IGSF9B: variants seen among roughly 807,000 people sequenced by gnomAD.
IGSF9B encodes immunoglobulin superfamily member 9B, also known as protein turtle homolog B.
A neutral mutation model predicts 143.7 loss-of-function variants in IGSF9B; 48 were observed. The ratio of observed to expected loss-of-function variants is 0.33; its 90% CI spans 0.26 to 0.42. The LOEUF (loss-of-function observed/expected upper bound fraction) is 0.42. Among genes scored for constraint, IGSF9B ranks in the 20% least tolerant of loss-of-function variants. The pLI, the probability that IGSF9B is intolerant of heterozygous loss-of-function variation, is 1.00. For missense variants in IGSF9B, 1,706 were observed against 1,980.0 expected (o/e 0.86, Z 2.63); for synonymous variants, 903 against 833.1 (o/e 1.08, Z -1.44).
At chr11:133,919,694 G>A in intron 18 of IGSF9B, 48 bp downstream of exon 18, 2 of 1,214,924 alleles carry the variant, frequency 1.6e-6, no homozygotes, top group East Asian at 2.9e-5. Context: ...GGCGGGTGGG[G>A]GAAGGAAGTT....
chr11:133,919,596 G>A (rs1939469193), intron 18 of IGSF9B, 146 bp downstream of exon 18: 2 of 546,860 alleles, frequency 3.7e-6, no homozygotes, highest in Admixed American at 7.7e-5. Context: ...AACCGCGGCG[G>A]CCAGAACTCC....
intron 3 of IGSF9B, among the ~76,000 whole-genome samples, chr11:133,940,487 AAC>A (rs1177936726): frequency 7.3e-6 from 1 of 137,288 alleles, no homozygotes; most frequent in African/African-American, 2.8e-5. Flanking sequence ...CGCATACAGA[AAC>A]ATACACCTTG....
chr11:133,916,447 G>C (rs1386657933), intron 18 of IGSF9B, among the ~76,000 whole-genome samples: 1 of 152,184 alleles, frequency 6.6e-6, no homozygotes, highest in African/African-American at 2.4e-5. Context: ...GACAGCATCT[G>C]AACAGAGCCT....
At position 133,913,778 on chromosome 11, in the gene IGSF9B, C is replaced by T. The variant is rs1008818101; in HGVS notation, c.3984-1771G>A. Among the ~76,000 whole-genome samples the T allele has an allele frequency of 2.0e-5, 3 of 152,208 alleles. No individual in the cohort carries two copies. The highest frequency in any genetic ancestry group is 2.9e-5 in the Non-Finnish European group (2 of 68,030). On this transcript the variant is annotated intron_variant, in intron 18 of 19. Coordinates refer to ENST00000533871, the MANE Select transcript of IGSF9B (RefSeq NM_001277285.4). The surrounding 1 kb of genome is among the most constrained non-coding windows in gnomAD (Gnocchi z 4.6). ...GCCCGGGCGGGAGGCAGCACACCTTCCCAGTGTGGATAGCACATCCTCACC... is the reference window on the plus strand; with the variant it reads ...GCCCGGGCGGGAGGCAGCACACCTTTCCAGTGTGGATAGCACATCCTCACC...
At chr11:133,952,648 GCA>G (rs35450333) in intron 1 of IGSF9B, among the ~76,000 whole-genome samples, 11,419 of 152,190 alleles carry the variant, frequency 0.075, 1,379 homozygotes, top group African/African-American at 0.26. Context: ...GGGCACATGT[GCA>G]CACACATACA....
In IGSF9B at chr11:133,904,531, T is replaced by A. The variant is rs1939183821; in HGVS notation, c.*4538A>T. On this transcript the variant is annotated 3_prime_UTR_variant, in exon 20 of 20. Coordinates refer to ENST00000533871, the MANE Select transcript of IGSF9B (RefSeq NM_001277285.4). Reference sequence around the variant, plus strand: ...TCACATGCAGGACCCCACCCCACAATCCGTCCCTGATGCCCAGATCCCCCT... The same window carrying A: ...TCACATGCAGGACCCCACCCCACAAACCGTCCCTGATGCCCAGATCCCCCT... Among the ~76,000 whole-genome samples the A allele has an allele frequency of 6.6e-6, 1 of 151,658 alleles. No homozygotes were observed. Among genetic ancestry groups the A allele is most frequent in the South Asian group, 2.1e-4 (1 of 4,792 alleles).
intron 1 of IGSF9B, among the ~76,000 whole-genome samples, chr11:133,947,496 C>CA (rs2121341727): frequency 6.6e-6 from 1 of 152,352 alleles, no homozygotes; most frequent in African/African-American, 2.4e-5. Flanking sequence ...AGCTTAAAGA[C>CA]AGAGAGCCAG....
chr11:133,925,012 C>G (rs1591714287), intron 14 of IGSF9B, 108 bp from the exon 15 acceptor site: 1 of 839,830 alleles, frequency 1.2e-6, no homozygotes, highest in Admixed American at 2.0e-5. Flanking sequence ...GCACCCAAAG[C>G]ACAGGAGGAC....
rs1443249577 is a variant in IGSF9B, at chr11:133,906,826, T to C, written c.*2243A>G. ...CCCGTGAGCTCCTCTGGGGTAGAAA[T>C]CTCACACTGCCAGTGCATAAAGGCT... On this transcript the variant is annotated 3_prime_UTR_variant, in exon 20 of 20. Transcript: ENST00000533871. Among the ~76,000 whole-genome samples the C allele has an allele frequency of 6.6e-6, 1 of 152,012 alleles. No individual in the cohort carries two copies. The highest frequency in any genetic ancestry group is 1.5e-5 in the Non-Finnish European group (1 of 67,994).
intron 1 of IGSF9B, 74 bp downstream of exon 1, chr11:133,956,617 G>A (rs947946179): frequency 1.9e-5 from 20 of 1,046,534 alleles, no homozygotes; most frequent in African/African-American, 5.0e-5. Flanking sequence ...AAGGAGCCGG[G>A]AAACCGAGGG....
At chr11:133,949,878 C>CACCCATGCGGT (rs200016618) in intron 1 of IGSF9B, among the ~76,000 whole-genome samples, 2,710 of 152,288 alleles carry the variant, frequency 0.018, 55 homozygotes, top group Middle Eastern at 0.055. Context: ...CAGGGAAAGG[C>CACCCATGCGGT]ACCATAGGTC....
Position 133,932,231 on chromosome 11 carries a change from AG to A in IGSF9B, c.968-19del. The A allele has an allele frequency of 6.5e-7, 1 of 1,545,968 alleles. No individual in the cohort carries two copies. Among genetic ancestry groups the A allele is most frequent in the Non-Finnish European group, 8.7e-7 (1 of 1,143,826 alleles). ...CGCTGGGTCTGCATAGAGGAAGCGC[AG>A]GTGAGAGAGCAGACAGACAGACACA... is the stretch of plus-strand genomic sequence containing the variant. On this transcript the variant is annotated intron_variant, in intron 7 of 19. Transcript: ENST00000533871.
At position 133,903,020 on chromosome 11, in the gene IGSF9B, G is replaced by A. The variant is rs1939164001; in HGVS notation, c.*6049C>T. ...AGTCACCTCCCCAGCCCAACCCCCT[G>A]CCCTCCGAGATTCCCTGCCCCTCCC... On this transcript the variant is annotated 3_prime_UTR_variant, in exon 20 of 20. Coordinates refer to ENST00000533871, the MANE Select transcript of IGSF9B (RefSeq NM_001277285.4). Among the ~76,000 whole-genome samples the A allele has an allele frequency of 6.8e-6, 1 of 147,832 alleles. No individual in the cohort carries two copies. Among genetic ancestry groups the A allele is most frequent in the Non-Finnish European group, 1.5e-5 (1 of 67,072 alleles).
Position 133,921,007 on chromosome 11 carries a change from G to A in IGSF9B, c.2718C>T (p.Ala906=), listed in dbSNP as rs750942012. 37 of 1,611,778 alleles carry A rather than the reference G, an allele frequency of 2.3e-5. No homozygotes were observed. Among genetic ancestry groups the A allele is most frequent in the Admixed American group, 1.0e-4 (6 of 59,968 alleles). ...NEDPLVPTSV[A]ALKSQLTPLS... ...GAGGGGTGAGCTGGGACTTCAGGGC[G>A]GCCACAGATGTGGGCACCAGTGGGT... The change falls in exon 18 of 20, where the codon GCC becomes GCT. Residue 906 remains alanine (A), a synonymous_variant. Coordinates refer to ENST00000533871, the MANE Select transcript of IGSF9B (RefSeq NM_001277285.4).
chr11:133,930,596 G>A (rs977418574), intron 11 of IGSF9B, among the ~76,000 whole-genome samples: 2 of 152,094 alleles, frequency 1.3e-5, no homozygotes, highest in African/African-American at 4.8e-5. Context: ...CTGGCCTGCA[G>A]GTCTCAGCTC....
At chr11:133,930,858 C>G (rs1409720968) in intron 11 of IGSF9B, 126 bp downstream of exon 11, 1 of 998,262 alleles carries the variant, frequency 1.0e-6, no homozygotes, top group African/African-American at 1.6e-5. Context: ...TTCAGGGCTG[C>G]ACTGACTTAG....
chr11:133,926,371 C>T (rs957466723), intron 13 of IGSF9B, among the ~76,000 whole-genome samples: 3 of 152,230 alleles, frequency 2.0e-5, no homozygotes, highest in Admixed American at 2.0e-4. Flanking sequence ...CCTTGGCGGC[C>T]GCTCAGGAGC....
In IGSF9B at chr11:133,932,066, A is replaced by T. The variant is rs771967443; in HGVS notation, c.1110+5T>A. ...TCCAACCCTCAACATGCATCTCTCT[A>T]GCACCTTCTCAACCTGCAGGGGACG... On this transcript the variant is annotated splice_donor_5th_base_variant and intron_variant, in intron 8 of 19. Coordinates refer to ENST00000533871, the MANE Select transcript of IGSF9B (RefSeq NM_001277285.4). 5.0e-6 allele frequency: 8 copies of T among 1,611,232 alleles called. No individual in the cohort carries two copies. The highest frequency in any genetic ancestry group is 6.8e-6 in the Non-Finnish European group (8 of 1,178,248).
Position 133,900,254 on chromosome 11 carries a change from T to C in IGSF9B, c.*8815A>G, listed in dbSNP as rs929292652. 6.6e-5 allele frequency: 10 copies of C among 152,628 alleles called. No individual in the cohort carries two copies. Among genetic ancestry groups the C allele is most frequent in the African/African-American group, 2.4e-4 (10 of 41,452 alleles). The allele number at this position is 152,628 out of a possible 1,614,324, so 9.5% of individuals were successfully genotyped here. A position where few individuals can be genotyped will look rare whatever the true frequency, so the allele number is the denominator to read the frequency against. On this transcript the variant is annotated 3_prime_UTR_variant, in exon 20 of 20. Transcript: ENST00000533871. The stretch of plus-strand genomic sequence containing the variant: ...AGGAAAGGGGTTAGTACTGCCCTTT[T>C]CTGAGTGATGAGCAGGAATAAGGAG...
Sources: allele counts gnomAD v4.1 joint callset (sites outside exome capture counted in the v4.1 genomes callset), GRCh38; gene constraint gnomAD v4.1.1; non-coding constraint Gnocchi (gnomAD v3.1); transcripts MANE v1.5; gene names NCBI Gene and HGNC (gene_info 2026-07-23, HGNC 2026-07-21).